The following ANKUB1 variants were observed in gnomAD, a reference collection of about 807,000 sequenced individuals.
ANKUB1 encodes protein ANKUB1.
Under a neutral mutation model 49.3 loss-of-function variants are expected in ANKUB1, and 42 were observed. The observed-to-expected ratio is 0.85, with a 90% confidence interval of 0.67 to 1.10. The LOEUF (loss-of-function observed/expected upper bound fraction) is 1.10, where lower values mean the gene tolerates loss of function less well. Among genes scored for constraint, ANKUB1 ranks in the 50% least tolerant of loss-of-function variants. ANKUB1 has a pLI of 0.00. For missense variants in ANKUB1, 613 were observed against 642.0 expected (o/e 0.95, Z 0.49); for synonymous variants, 222 against 231.0 (o/e 0.96, Z 0.35).
intron 2 of ANKUB1, among the ~76,000 whole-genome samples, chr3:149,789,487 C>T (rs1252692280): frequency 1.3e-5 from 2 of 152,054 alleles, no homozygotes; most frequent in African/African-American, 4.8e-5. Flanking sequence ...TGTTATACTT[C>T]CATTTTCTGA....
intron 3 of ANKUB1, among the ~76,000 whole-genome samples, chr3:149,773,753 C>T (rs1717462209): frequency 6.6e-6 from 1 of 152,154 alleles, no homozygotes; most frequent in Non-Finnish European, 1.5e-5. Context: ...AAAGCTTTAG[C>T]CTGGCCCCAT....
At chr3:149,790,658 G>C in intron 2 of ANKUB1, 123 bp downstream of exon 2, 1 of 951,776 alleles carries the variant, frequency 1.1e-6, no homozygotes, top group South Asian at 1.7e-5. Flanking sequence ...ACAAATGGAA[G>C]TGAGGAGAAG....
chr3:149,764,185 GA>G (rs1004742804), intron 5 of ANKUB1, among the ~76,000 whole-genome samples: 1 of 152,158 alleles, frequency 6.6e-6, no homozygotes, highest in African/African-American at 2.4e-5. Flanking sequence ...TGGTCATTTA[GA>G]GGGGTGCTCA....
At chr3:149,766,305 C>G (rs1717010926) in intron 5 of ANKUB1, among the ~76,000 whole-genome samples, 1 of 152,166 alleles carries the variant, frequency 6.6e-6, no homozygotes, top group Admixed American at 6.5e-5. Flanking sequence ...TCAGTCAATT[C>G]AAGTCTTTAA....
chr3:149,789,714 C>A (rs1306921621), intron 2 of ANKUB1, among the ~76,000 whole-genome samples: 1 of 151,092 alleles, frequency 6.6e-6, no homozygotes, highest in Non-Finnish European at 1.5e-5. Flanking sequence ...ACTGCAACCT[C>A]CCCCTCCTGG....
rs1718329600 is a variant in ANKUB1 at position 149,790,894 on chromosome 3, T to G, written c.121A>C (p.Lys41Gln). 2 of 1,552,122 alleles carry G rather than the reference T, an allele frequency of 1.3e-6. No homozygotes were observed. Among genetic ancestry groups the G allele is most frequent in the Non-Finnish European group, 1.7e-6 (2 of 1,147,094 alleles). ...DYFHIPLSED[K>Q]QGRRYLELMY... ...AACTCCAGATACCGCCTGCCTTGTT[T>G]GTCTTCAGAGAGAGGAATGTGGAAA... The change falls in exon 2 of 6, where the codon AAA (lysine) becomes CAA (glutamine). Residue 41 changes from lysine (K) to glutamine (Q), a missense_variant. Lys to Gln is a moderately conservative substitution (Grantham distance 53). Coordinates refer to ENST00000446160, the MANE Select transcript of ANKUB1 (RefSeq NM_001144960.3).
chr3:149,772,849 T>C (rs548934350), intron 3 of ANKUB1, among the ~76,000 whole-genome samples: 1 of 152,226 alleles, frequency 6.6e-6, no homozygotes, highest in East Asian at 1.9e-4. Context: ...GGCCTGCACT[T>C]CCCTGTGCAC....
In ANKUB1 at chr3:149,761,517, TG is replaced by T; in HGVS notation, c.1601del (p.Thr534LysfsTer7). 6.4e-7 allele frequency: 1 copy of T among 1,551,496 alleles called. No individual in the cohort carries two copies. Among genetic ancestry groups the T allele is most frequent in the Non-Finnish European group, 8.7e-7 (1 of 1,146,818 alleles). On this transcript the variant is annotated frameshift_variant, in exon 6 of 6. Coordinates refer to ENST00000446160, the MANE Select transcript of ANKUB1 (RefSeq NM_001144960.3). LOFTEE classifies it high-confidence loss of function. ...ISNLTTRGGL[T>X]ACENSLETVL ...CAGTTTCTAGAGAGTTTTCACACGC[TG>T]TCAGACCTCCTCGGGTAGTCAAGTT...
chr3:149,779,163 C>T (rs1717737314), intron 3 of ANKUB1: 1 of 151,494 alleles, frequency 6.6e-6, no homozygotes, highest in African/African-American at 2.4e-5. Context: ...GCAGACGTGA[C>T]CTGGAAGTAC....
At chr3:149,785,252 T>TTTA (rs568736849) in intron 2 of ANKUB1, among the ~76,000 whole-genome samples, 34 of 152,070 alleles carry the variant, frequency 2.2e-4, no homozygotes, top group Admixed American at 6.6e-4. Flanking sequence ...TACAATGTTC[T>TTTA]TTATTATTAT....
intron 3 of ANKUB1, among the ~76,000 whole-genome samples, chr3:149,772,479 CT>C (rs1717410157): frequency 6.6e-6 from 1 of 152,190 alleles, no homozygotes; most frequent in South Asian, 2.1e-4. Context: ...CTTTGAGAAG[CT>C]CCCAGCAGCC....
intron 1 of ANKUB1, 34 bp from the exon 2 acceptor site, chr3:149,790,958 C>T (rs1438099821): frequency 2.6e-6 from 4 of 1,537,642 alleles, no homozygotes; most frequent in Admixed American, 2.0e-5. Flanking sequence ...GAAAACAGTA[C>T]ATCCTTACGT....
At chr3:149,766,842 A>AGCAGCAGCAGCAGCG (rs1263280808) in intron 5 of ANKUB1, 1 of 831,196 alleles carries the variant, frequency 1.2e-6, no homozygotes, top group African/African-American at 2.9e-5. Flanking sequence ...CAGCAGCAGC[A>AGCAGCAGCAGCAGCG]GCAGCAGCAG....
chr3:149,776,407 C>G (rs539841981), intron 3 of ANKUB1, among the ~76,000 whole-genome samples: 22 of 152,186 alleles, frequency 1.4e-4, no homozygotes, highest in Non-Finnish European at 2.8e-4. Flanking sequence ...GGCTTGGTCT[C>G]CACCTACATG....
chr3:149,784,046 C>A (rs1717979677), intron 2 of ANKUB1, among the ~76,000 whole-genome samples: 1 of 152,170 alleles, frequency 6.6e-6, no homozygotes, highest in Admixed American at 6.5e-5. Flanking sequence ...CTCTCGAAAG[C>A]TAAAATGTTT....
At chr3:149,764,862 C>CA (rs142318853) in intron 5 of ANKUB1, among the ~76,000 whole-genome samples, 3,806 of 142,870 alleles carry the variant, frequency 0.027, 158 homozygotes, top group East Asian at 0.13. Flanking sequence ...AATGTAGCTA[C>CA]AAAAAAAAAA....
chr3:149,781,783 T>C (rs960897090), intron 2 of ANKUB1, among the ~76,000 whole-genome samples: 3 of 152,224 alleles, frequency 2.0e-5, no homozygotes, highest in African/African-American at 7.2e-5. Context: ...GCTGCAGTAC[T>C]TTGATCTAGG....
intron 5 of ANKUB1, among the ~76,000 whole-genome samples, chr3:149,766,068 A>G (rs1717001395): frequency 1.3e-5 from 2 of 152,204 alleles, no homozygotes; most frequent in Admixed American, 1.3e-4. Flanking sequence ...AGTCGCTTGT[A>G]AATCTATATT....
At chr3:149,790,165 A>G (rs890516493) in intron 2 of ANKUB1, among the ~76,000 whole-genome samples, 2 of 152,162 alleles carry the variant, frequency 1.3e-5, no homozygotes, top group Admixed American at 6.5e-5. Context: ...ATTGTTGACC[A>G]TAAAGGATCT....
Sources: gnomAD v4.1 joint callset for allele counts (sites outside exome capture counted in the v4.1 genomes callset) on GRCh38, gnomAD v4.1.1 for gene constraint, MANE v1.5 for transcripts, NCBI Gene and HGNC (gene_info 2026-07-23, HGNC 2026-07-21) for gene names.